Variants in ABCA13 observed in about 807,000 individuals in gnomAD.
ABCA13 encodes the protein ATP binding cassette subfamily A member 13, also known as ATP-binding cassette sub-family A member 13.
A neutral mutation model predicts 478.7 loss-of-function variants in ABCA13; 476 were observed. The ratio of observed to expected loss-of-function variants is 0.99; its 90% CI spans 0.92 to 1.07. The LOEUF is 1.07. ABCA13 is among the 50% of genes least tolerant of loss of function. The pLI is 0.00. For synonymous variants in ABCA13, 2,252 were observed against 2,158.9 expected (o/e 1.04, Z -1.20); for missense variants, 6,060 against 5,910.6 (o/e 1.03, Z -0.83).
chr7:48,352,419 T>A lies in ABCA13; in HGVS notation c.10620T>A (p.Thr3540=), dbSNP rs779628853. 1.9e-6 allele frequency: 3 copies of A among 1,613,408 alleles called. No individual in the cohort carries two copies. The highest frequency in any genetic ancestry group is 1.3e-5 in the African/African-American group (1 of 74,842). The change falls in exon 31 of 62, where the codon ACT becomes ACA. Residue 3540 remains threonine (T), a synonymous_variant. Transcript: ENST00000435803. ...MIERAIILVQ[T]GQEALEPAAQ... ...AAAGAGCCATCATTTTGGTGCAGACTGGGCAGGAAGCCCTGGAACCAGCAG... is the reference window on the plus strand; with the variant it reads ...AAAGAGCCATCATTTTGGTGCAGACAGGGCAGGAAGCCCTGGAACCAGCAG...
intron 3 of ABCA13, among the ~76,000 whole-genome samples, chr7:48,205,606 A>G (rs1405566313): frequency 2.6e-5 from 4 of 152,254 alleles, no homozygotes; most frequent in Non-Finnish European, 5.9e-5. Flanking sequence ...ACCTTGTTGT[A>G]CAAGTCAGTG....
intron 3 of ABCA13, among the ~76,000 whole-genome samples, chr7:48,218,577 G>A (rs1223238206): frequency 1.3e-5 from 2 of 152,162 alleles, no homozygotes; most frequent in Admixed American, 6.5e-5. Context: ...TCTGTTGAGT[G>A]TACGTAGCAA....
At chr7:48,264,492 T>G (rs62449189) in intron 15 of ABCA13, among the ~76,000 whole-genome samples, 21,322 of 151,786 alleles carry the variant, frequency 0.14, 1,545 homozygotes, top group Middle Eastern at 0.19. Flanking sequence ...GATGTGTAGT[T>G]GTATGCTATT....
At chr7:48,353,545 C>A (rs1049755399) in intron 31 of ABCA13, among the ~76,000 whole-genome samples, 3 of 151,314 alleles carry the variant, frequency 2.0e-5, no homozygotes, top group African/African-American at 7.3e-5. Context: ...ACCTCCCACC[C>A]CTGACTGGGG....
rs1787328868 is a variant in ABCA13, at chr7:48,221,291, T to C, written c.450T>C (p.Tyr150=). ...VERSNTPDSS[Y]GSSFFTMDLN... ...CCTTCTTTATTATAGATTCTTCTTA[T>C]GGTTCCAGTTTTTTTACAGTAAGTA... The change falls in exon 5 of 62, where the codon TAT becomes TAC. Residue 150 remains tyrosine (Y), a synonymous_variant. Transcript: ENST00000435803. 3 of 1,172,540 alleles carry C rather than the reference T, an allele frequency of 2.6e-6. No individual in the cohort carries two copies. Among genetic ancestry groups the C allele is most frequent in the Non-Finnish European group, 3.6e-6 (3 of 825,462 alleles). 72.6% of individuals were successfully genotyped at this position (1,172,540 alleles called of 1,614,324 possible). A position where few individuals can be genotyped will look rare whatever the true frequency, so the allele number is the denominator to read the frequency against.
At chr7:48,534,081 G>T (rs1457444863) in intron 55 of ABCA13, among the ~76,000 whole-genome samples, 3 of 152,072 alleles carry the variant, frequency 2.0e-5, no homozygotes, top group African/African-American at 7.2e-5. Context: ...TGAGATTTAT[G>T]CTTTAAAGAG....
intron 35 of ABCA13, among the ~76,000 whole-genome samples, chr7:48,383,534 G>T (rs920284599): frequency 6.6e-6 from 1 of 152,166 alleles, no homozygotes; most frequent in Non-Finnish European, 1.5e-5. Flanking sequence ...AAAATGTGAA[G>T]GTGTTCAATG....
chr7:48,249,168 T>A, intron 14 of ABCA13, 44 bp from the exon 15 acceptor site: 1 of 1,551,922 alleles, frequency 6.4e-7, no homozygotes, highest in East Asian at 2.3e-5. Flanking sequence ...ATCTGCAAGA[T>A]CATTTTTAAA....
intron 1 of ABCA13, among the ~76,000 whole-genome samples, chr7:48,183,503 G>A (rs1795973141): frequency 6.6e-6 from 1 of 152,190 alleles, no homozygotes; most frequent in South Asian, 2.1e-4. Flanking sequence ...TAATGAATGA[G>A]CAAGTGCTTG....
At chr7:48,297,204 A>C in intron 21 of ABCA13, 28 bp from the exon 22 acceptor site, 1 of 1,565,380 alleles carries the variant, frequency 6.4e-7, no homozygotes, top group South Asian at 1.2e-5. Context: ...AGCTTGCCTA[A>C]TTTAGCTTTA....
chr7:48,219,400 C>G lies in ABCA13; in HGVS notation c.334C>G (p.Leu112Val). 1.2e-6 allele frequency: 2 copies of G among 1,612,830 alleles called. No individual in the cohort carries two copies. The highest frequency in any genetic ancestry group is 1.7e-6 in the Non-Finnish European group (2 of 1,179,494). The part of the protein sequence containing the change: ...TAADPKKVNN[L>V]AFLKEIQDLA... The stretch of plus-strand genomic sequence containing the variant: ...AGCTGACCCCAAGAAAGTCAACAAC[C>G]TGGCCTTTTTAAAAGAGATACAAGA... The change falls in exon 4 of 62, where the codon CTG becomes GTG. Residue 112 changes from leucine to valine, a missense_variant. Physicochemically the swap from Leu to Val is conservative, Grantham distance 32. Around this residue, in one of 3 missense-constraint regions of ABCA13, gnomAD observed 4,423 missense variants for 4,309.1 expected, o/e 1.03. Coordinates refer to ENST00000435803, the MANE Select transcript of ABCA13 (RefSeq NM_152701.5).
chr7:48,390,911 C>T (rs1815951974), intron 37 of ABCA13, among the ~76,000 whole-genome samples: 1 of 152,232 alleles, frequency 6.6e-6, no homozygotes, highest in African/African-American at 2.4e-5. Context: ...GTGCATACAG[C>T]TTTGTGTCGG....
intron 37 of ABCA13, 75 bp from the exon 38 acceptor site, chr7:48,391,846 T>C: frequency 7.0e-7 from 1 of 1,429,406 alleles, no homozygotes; most frequent in Non-Finnish European, 9.7e-7. Context: ...TGCGCCATCC[T>C]GGAGCTGACT....
intron 56 of ABCA13, among the ~76,000 whole-genome samples, chr7:48,586,697 C>G (rs1439257626): frequency 6.6e-6 from 1 of 152,136 alleles, no homozygotes; most frequent in African/African-American, 2.4e-5. Context: ...ACCCATGTAG[C>G]AAACCTGCAC....
intron 51 of ABCA13, among the ~76,000 whole-genome samples, chr7:48,516,414 A>C (rs1215383234): frequency 6.6e-6 from 1 of 152,100 alleles, no homozygotes; most frequent in Non-Finnish European, 1.5e-5. Flanking sequence ...CTGTCGCAGC[A>C]TGGCAGTGCT....
At chr7:48,488,611 C>G (rs1444538657) in intron 47 of ABCA13, among the ~76,000 whole-genome samples, 1 of 152,180 alleles carries the variant, frequency 6.6e-6, no homozygotes. Flanking sequence ...AAGACACTCA[C>G]TTGCTTTTCA....
intron 58 of ABCA13, among the ~76,000 whole-genome samples, chr7:48,595,721 A>G (rs1355654772): frequency 2.0e-5 from 3 of 152,202 alleles, no homozygotes; most frequent in Non-Finnish European, 4.4e-5. Flanking sequence ...ATCTGGTGAA[A>G]TTACTACCTT....
At chr7:48,593,491 T>A (rs1370373430) in intron 57 of ABCA13, among the ~76,000 whole-genome samples, 1 of 152,050 alleles carries the variant, frequency 6.6e-6, no homozygotes. Flanking sequence ...ATAGCTATAG[T>A]TATTTTTAAT....
chr7:48,219,252 C>A, intron 3 of ABCA13, 102 bp from the exon 4 acceptor site: 1 of 1,271,966 alleles, frequency 7.9e-7, no homozygotes, highest in South Asian at 1.5e-5. Context: ...TAAGTTGGTA[C>A]AAGTTTAATT....
Sources: allele counts gnomAD v4.1 joint callset (sites outside exome capture counted in the v4.1 genomes callset), GRCh38; gene constraint gnomAD v4.1.1; regional missense constraint gnomAD v4.1.1; transcripts MANE v1.5; gene names NCBI Gene and HGNC (gene_info 2026-07-23, HGNC 2026-07-21).